The following CCDC171 variants were observed in gnomAD, a reference collection of about 807,000 sequenced individuals.
CCDC171 encodes coiled-coil domain-containing protein 171.
CCDC171 carries 177 observed loss-of-function variants against 168.2 expected under a neutral mutation model. The observed-to-expected ratio is 1.05, with a 90% CI of 0.93 to 1.19. The LOEUF is 1.19. Ranked by LOEUF, CCDC171 falls within the 50% of genes most tolerant of loss-of-function variation. CCDC171 has a pLI of 0.00. For missense variants in CCDC171, 1,991 were observed against 1,539.0 expected, an observed-to-expected ratio of 1.29 and a Z score of -4.91; for synonymous variants, 687 against 540.8, an observed-to-expected ratio of 1.27 and a Z score of -3.75.
At chr9:15,564,408 A>C (rs1189544434) in intron 2 of CCDC171, among the ~76,000 whole-genome samples, 1 of 152,164 alleles carries the variant, frequency 6.6e-6, no homozygotes, top group Non-Finnish European at 1.5e-5. Flanking sequence ...CTTTTCCACT[A>C]CTTTAAATGT....
chr9:15,784,726 G>A (rs1417022650), intron 21 of CCDC171, 32 bp downstream of exon 21: 1 of 1,514,458 alleles, frequency 6.6e-7, no homozygotes. Context: ...TGCATAAAGG[G>A]ATATTTTATC....
intron 18 of CCDC171, 109 bp from the exon 19 acceptor site, chr9:15,777,491 G>A: frequency 1.6e-6 from 1 of 623,940 alleles, no homozygotes; most frequent in South Asian, 2.4e-5. Context: ...TACTACAGGT[G>A]AATGGGAATT....
Position 15,641,886 on chromosome 9 carries a change from A to T in CCDC171, c.823-15241A>T, listed in dbSNP as rs556457248. 3.9e-5 allele frequency among the ~76,000 whole-genome samples: 6 copies of T among 152,326 alleles called. No individual in the cohort carries two copies. In the East Asian group the frequency reaches 1.2e-3, roughly 29 times the overall value. On this transcript the variant is annotated intron_variant, in intron 7 of 25. Transcript: ENST00000380701. ...TTACATACAGAACTGTTGTTTGGCT[A>T]GGCGTAGTGGCTCACGCCTGTAATC...
chr9:15,702,433 G>C (rs775562474), intron 11 of CCDC171, among the ~76,000 whole-genome samples: 11 of 151,762 alleles, frequency 7.2e-5, no homozygotes, highest in Non-Finnish European at 2.9e-5. Context: ...CTCTCCCTCT[G>C]CTCTATAAAT....
At position 15,627,022 on chromosome 9, in the gene CCDC171, A is replaced by C. The variant is rs899242035; in HGVS notation, c.822+3609A>C. On this transcript the variant is annotated intron_variant, in intron 7 of 25. Transcript: ENST00000380701. ...TGTTATTGGTCTATTTTGGGATTCAACTTCTTCCTGGTTTAGTCTTGGGAG... is the reference window on the plus strand; with the variant it reads ...TGTTATTGGTCTATTTTGGGATTCACCTTCTTCCTGGTTTAGTCTTGGGAG... 8.5e-4 allele frequency among the ~76,000 whole-genome samples: 130 copies of C among 152,260 alleles called. 1 individual carries two copies. Among genetic ancestry groups the C allele is most frequent in the African/African-American group, 2.8e-3 (117 of 41,546 alleles).
intron 1 of CCDC171, among the ~76,000 whole-genome samples, chr9:16,059,525 T>G (rs1318903666): frequency 9.2e-6 from 1 of 108,710 alleles, no homozygotes; most frequent in Non-Finnish European, 1.8e-5. Flanking sequence ...TTTTTTTTTT[T>G]GAGACGGAGT....
intron 21 of CCDC171, among the ~76,000 whole-genome samples, chr9:15,801,302 A>T (rs996819892): frequency 1.3e-5 from 2 of 151,862 alleles, no homozygotes; most frequent in Admixed American, 1.3e-4. Context: ...TCATTGTTTT[A>T]TAGTTTTCAT....
rs966746612 is a variant in CCDC171, at chr9:15,733,180, A to T, written c.2049+3382A>T. 3.3e-5 allele frequency among the ~76,000 whole-genome samples: 5 copies of T among 152,148 alleles called. No homozygotes were observed. The South Asian group carries it at 1.0e-3, about 32-fold the overall frequency. On this transcript the variant is annotated intron_variant, in intron 16 of 25. Coordinates refer to ENST00000380701, the MANE Select transcript of CCDC171 (RefSeq NM_173550.4). ...TGGATTGTGTGTTTTCTTATCGTCA[A>T]ATTTTGAGAGTTATTTACATACCGG...
chr9:15,951,746 A>C (rs568557140), intron 25 of CCDC171, among the ~76,000 whole-genome samples: 1 of 152,078 alleles, frequency 6.6e-6, no homozygotes, highest in East Asian at 1.9e-4. Flanking sequence ...GAAGTTTTCT[A>C]TATATTCTGG....
chr9:15,781,058 GT>G (rs1178881186), intron 20 of CCDC171, among the ~76,000 whole-genome samples: 2 of 152,176 alleles, frequency 1.3e-5, no homozygotes, highest in Admixed American at 6.6e-5. Context: ...TTAGAGTATA[GT>G]CAACTGTATT....
chr9:15,903,409 C>G (rs1029498207), intron 24 of CCDC171, among the ~76,000 whole-genome samples: 1 of 152,178 alleles, frequency 6.6e-6, no homozygotes, highest in Non-Finnish European at 1.5e-5. Context: ...ACTGCTGATA[C>G]CCAGGCAAAC....
downstream of CCDC171, among the ~76,000 whole-genome samples, chr9:16,066,344 T>A (rs1266801664): frequency 6.6e-6 from 1 of 152,170 alleles, no homozygotes; most frequent in Non-Finnish European, 1.5e-5. Context: ...TTGTTCACTG[T>A]AGATGTCACA....
chr9:15,824,423 G>T (rs569465141), intron 21 of CCDC171, among the ~76,000 whole-genome samples: 2 of 151,864 alleles, frequency 1.3e-5, no homozygotes, highest in South Asian at 4.2e-4. Flanking sequence ...TGTGTTTTGG[G>T]TGTGGTTTTT....
chr9:15,970,649 T>C (rs938725291), intron 25 of CCDC171, among the ~76,000 whole-genome samples: 2 of 152,212 alleles, frequency 1.3e-5, no homozygotes, highest in African/African-American at 4.8e-5. Context: ...TATCGAAATA[T>C]TAATTCTACT....
chr9:15,994,708 G>A lies in CCDC171; in HGVS notation n.369-25881G>A, dbSNP rs951960091. 7.0e-4 allele frequency among the ~76,000 whole-genome samples: 106 copies of A among 152,128 alleles called. 1 individual carries two copies. Among genetic ancestry groups the A allele is most frequent in the African/African-American group, 2.3e-3 (97 of 41,424 alleles). On this transcript the variant is annotated intron_variant and non_coding_transcript_variant, in intron 3 of 9. Coordinates refer to the CCDC171 transcript ENST00000486641. Reference sequence around the variant, plus strand: ...TCACCATGTTGTCTATAGGTACATTGTCTGCAGTGTTAACAACGTCATCTC... The same window carrying A: ...TCACCATGTTGTCTATAGGTACATTATCTGCAGTGTTAACAACGTCATCTC...
At chr9:15,981,692 T>G (rs2132871040) in intron 3 of CCDC171, among the ~76,000 whole-genome samples, 1 of 152,254 alleles carries the variant, frequency 6.6e-6, no homozygotes, top group East Asian at 1.9e-4. Context: ...AACTGGGAGA[T>G]TCTTACTACT....
At chr9:15,573,372 T>G (rs1039485758) in intron 3 of CCDC171, among the ~76,000 whole-genome samples, 1 of 152,154 alleles carries the variant, frequency 6.6e-6, no homozygotes, top group Admixed American at 6.5e-5. Context: ...GCCTCCAGGT[T>G]CAAGTGATTG....
chr9:15,804,024 G>C (rs1433832235), intron 21 of CCDC171, among the ~76,000 whole-genome samples: 1 of 151,908 alleles, frequency 6.6e-6, no homozygotes, highest in Non-Finnish European at 1.5e-5. Context: ...TCATGATTTG[G>C]CTCTCTACTT....
At chr9:15,652,825 C>T (rs1328180194) in intron 7 of CCDC171, among the ~76,000 whole-genome samples, 5 of 152,088 alleles carry the variant, frequency 3.3e-5, no homozygotes, top group Non-Finnish European at 7.4e-5. Flanking sequence ...GTCATGTTAA[C>T]GTTTTGATAA....
Sources: gnomAD v4.1 joint callset for allele counts (sites outside exome capture counted in the v4.1 genomes callset) on GRCh38, gnomAD v4.1.1 for gene constraint, MANE v1.5 for transcripts, NCBI Gene and HGNC (gene_info 2026-07-23, HGNC 2026-07-21) for gene names.